DIAPH2: variants seen among roughly 807,000 people sequenced by gnomAD.
DIAPH2 encodes diaphanous related formin 2.
DIAPH2 carries 35 observed loss-of-function variants against 92.7 expected under a neutral mutation model. The observed-to-expected ratio is 0.38, with a 90% CI of 0.29 to 0.50. DIAPH2 has a LOEUF of 0.50. DIAPH2 is among the 20% of genes least tolerant of loss of function. DIAPH2 has a pLI of 0.94. For synonymous variants in DIAPH2, 301 were observed against 280.4 expected (o/e 1.07, Z -0.73); for missense variants, 701 against 819.5 (o/e 0.86, Z 1.77).
intron 26 of DIAPH2, among the ~76,000 whole-genome samples, chrX:97,477,700 T>C (rs974087636): frequency 1.8e-5 from 2 of 111,482 alleles, no homozygotes; most frequent in Non-Finnish European, 3.8e-5. Flanking sequence ...AAATAATCCA[T>C]TGTATTAGAA....
intron 19 of DIAPH2, among the ~76,000 whole-genome samples, chrX:97,082,964 G>T (rs1288576885): frequency 8.9e-6 from 1 of 111,944 alleles, no homozygotes; most frequent in Non-Finnish European, 1.9e-5. Context: ...TTATTGGCTA[G>T]TCATATATTT....
intron 23 of DIAPH2, among the ~76,000 whole-genome samples, chrX:97,285,417 A>G (rs1487490173): frequency 2.0e-5 from 2 of 101,377 alleles, no homozygotes. Context: ...AGATTCAGTT[A>G]TGGTCAGGCT....
chrX:96,854,784 G>A (rs1219463438), intron 4 of DIAPH2, among the ~76,000 whole-genome samples: 1 of 105,807 alleles, frequency 9.5e-6, no homozygotes, highest in Non-Finnish European at 1.9e-5. Context: ...ACTCTGAATG[G>A]TCCACAATTT....
At chrX:97,107,745 T>G (rs2066951693) in intron 20 of DIAPH2, among the ~76,000 whole-genome samples, 1 of 111,752 alleles carries the variant, frequency 8.9e-6, no homozygotes, top group East Asian at 2.8e-4. Flanking sequence ...ATCAAAAGAG[T>G]AACTATTTGG....
intron 26 of DIAPH2, among the ~76,000 whole-genome samples, chrX:97,481,805 A>G (rs1207983946): frequency 2.7e-5 from 3 of 111,697 alleles, no homozygotes; most frequent in African/African-American, 3.3e-5. Flanking sequence ...TGGTTGACTA[A>G]TTTTGACAGA....
chrX:97,052,182 A>C (rs73250779), intron 17 of DIAPH2, among the ~76,000 whole-genome samples: 5,723 of 111,107 alleles, frequency 0.052, 160 homozygotes, highest in Non-Finnish European at 0.079. Flanking sequence ...CAGGGAAGAC[A>C]AGGAGAGACA....
chrX:97,363,665 CAAAAAAAAAAA>C (rs35245894), intron 24 of DIAPH2, among the ~76,000 whole-genome samples: 1,279 of 17,804 alleles, frequency 0.072, 29 homozygotes, highest in African/African-American at 0.19. Context: ...GACTCTGCCT[CAAAAAAAAAAA>C]AAAAAAAAAA....
At chrX:96,971,679 G>T (rs892673409) in intron 17 of DIAPH2, among the ~76,000 whole-genome samples, 2 of 111,096 alleles carry the variant, frequency 1.8e-5, no homozygotes, top group Non-Finnish European at 3.8e-5. Flanking sequence ...TCCTCTTAAC[G>T]TTGATTCTTT....
At chrX:97,422,803 G>A (rs1386073169) in intron 25 of DIAPH2, among the ~76,000 whole-genome samples, 3 of 111,775 alleles carry the variant, frequency 2.7e-5, no homozygotes, top group Non-Finnish European at 3.8e-5. Flanking sequence ...AATAATGTTT[G>A]ATAAAAAGGA....
intron 5 of DIAPH2, among the ~76,000 whole-genome samples, chrX:96,901,532 GTTTTTTTTTTT>G (rs369526046): frequency 3.0e-4 from 10 of 33,095 alleles, no homozygotes; most frequent in African/African-American, 1.0e-3. Context: ...TTTTCTTTCT[GTTTTTTTTTTT>G]TTTTTTTTTT....
intron 19 of DIAPH2, among the ~76,000 whole-genome samples, chrX:97,095,830 A>T (rs1432201384): frequency 8.9e-6 from 1 of 112,362 alleles, no homozygotes; most frequent in Non-Finnish European, 1.9e-5. Context: ...GACAATCATC[A>T]GAATGTAAAT....
At chrX:97,342,806 G>A (rs1204618656) in intron 23 of DIAPH2, among the ~76,000 whole-genome samples, 1 of 112,172 alleles carries the variant, frequency 8.9e-6, no homozygotes, top group Non-Finnish European at 1.9e-5. Flanking sequence ...GAGTAACAGT[G>A]ATGGGGATGG....
chrX:97,576,650 G>A (rs969694076), intron 26 of DIAPH2, among the ~76,000 whole-genome samples: 12 of 110,601 alleles, frequency 1.1e-4, no homozygotes, highest in Admixed American at 8.7e-4. Flanking sequence ...AAGTAATCAT[G>A]GAACATACCC....
At chrX:96,913,784 T>C (rs2065484663) in intron 7 of DIAPH2, among the ~76,000 whole-genome samples, 1 of 110,955 alleles carries the variant, frequency 9.0e-6, no homozygotes, top group Non-Finnish European at 1.9e-5. Context: ...ATACTAGTTG[T>C]ATTATAAGGG....
chrX:97,119,702 G>C (rs1320131584), intron 21 of DIAPH2, among the ~76,000 whole-genome samples: 2 of 111,545 alleles, frequency 1.8e-5, no homozygotes, highest in African/African-American at 3.3e-5. Context: ...TCTGACCTCA[G>C]ACTCTCCTTG....
chrX:97,216,506 A>G lies in DIAPH2; in HGVS notation c.2720-31209A>G, dbSNP rs537653197. Among the ~76,000 whole-genome samples, 18 of 105,060 alleles carry G rather than the reference A, an allele frequency of 1.7e-4. No individual in the cohort carries two copies. In the South Asian group the frequency reaches 5.2e-3, roughly 31 times the overall value. The allele number at this position is 105,060 out of a possible 115,157, so 91.2% of individuals were successfully genotyped here. Reference sequence around the variant, plus strand: ...TTTTTTGTAGAAACTGGGTCTCCCTATGTTGCCCAGGCTGGTCTCGAGTTC... The same window carrying G: ...TTTTTTGTAGAAACTGGGTCTCCCTGTGTTGCCCAGGCTGGTCTCGAGTTC... On this transcript the variant is annotated intron_variant, in intron 22 of 26. Coordinates refer to ENST00000324765, the MANE Select transcript of DIAPH2 (RefSeq NM_006729.5).
chrX:96,927,909 A>G (rs2065594714), intron 9 of DIAPH2, among the ~76,000 whole-genome samples: 1 of 111,337 alleles, frequency 9.0e-6, no homozygotes, highest in Admixed American at 9.6e-5. Context: ...TATGATAGTC[A>G]CTATGTGTAC....
At chrX:97,256,992 A>T (rs1569342789) in intron 23 of DIAPH2, among the ~76,000 whole-genome samples, 1 of 51,545 alleles carries the variant, frequency 1.9e-5, no homozygotes, top group Non-Finnish European at 3.9e-5. Context: ...GCTTTACAAG[A>T]TGAAGACTGA....
rs1219256131 is a variant in DIAPH2, at chrX:97,069,020, T to C, written c.2051-3921T>C. 4.5e-5 allele frequency among the ~76,000 whole-genome samples: 5 copies of C among 111,364 alleles called. No individual in the cohort carries two copies. In the East Asian group the frequency reaches 1.4e-3, roughly 32 times the overall value. On this transcript the variant is annotated intron_variant, in intron 17 of 26. Coordinates refer to ENST00000324765, the MANE Select transcript of DIAPH2 (RefSeq NM_006729.5). ...TCTTGTTGTCCAGGCTGGAATGCAG[T>C]GGCGCAATCTTGGCACACTGCAACC...
Sources: gnomAD v4.1 joint callset for allele counts (sites outside exome capture counted in the v4.1 genomes callset) on GRCh38, gnomAD v4.1.1 for gene constraint, MANE v1.5 for transcripts, NCBI Gene and HGNC (gene_info 2026-07-23, HGNC 2026-07-21) for gene names.